WDR20: variants seen among roughly 807,000 people sequenced by gnomAD.
WDR20 encodes WD repeat-containing protein 20.
A neutral mutation model predicts 38.7 loss-of-function variants in WDR20; 3 were observed. The observed-to-expected ratio is 0.08, with a 90% confidence interval of 0.04 to 0.20. The LOEUF (loss-of-function observed/expected upper bound fraction) is 0.20, where lower values mean the gene tolerates loss of function less well. WDR20 is among the 10% of genes least tolerant of loss of function. The probability of loss-of-function intolerance (pLI) is 1.00; values close to 1 mark genes in which losing one functional copy is unlikely to be tolerated. For missense variants in WDR20, 559 were observed against 727.7 expected, an observed-to-expected ratio of 0.77 and a Z score of 2.67; for synonymous variants, 298 against 285.6, an observed-to-expected ratio of 1.04 and a Z score of -0.44.
rs115494632 is a variant in WDR20 at position 102,170,429 on chromosome 14, A to G, written c.250-24509A>G. On this transcript the variant is annotated intron_variant, in intron 1 of 2. Transcript: ENST00000342702. ...AAATCGCCTTCTAAAAATTGTACCAATTTTTACTTGTGGCATAGTGTATTG... is the reference window on the plus strand; with the variant it reads ...AAATCGCCTTCTAAAAATTGTACCAGTTTTTACTTGTGGCATAGTGTATTG... Among the ~76,000 whole-genome samples the G allele has an allele frequency of 4.6e-3, 697 of 152,214 alleles. 6 individuals carry two copies. The highest frequency in any genetic ancestry group is 0.016 in the African/African-American group (645 of 41,546).
intron 1 of WDR20, among the ~76,000 whole-genome samples, chr14:102,151,152 T>C (rs1422985201): frequency 6.6e-6 from 1 of 151,630 alleles, no homozygotes; most frequent in African/African-American, 2.4e-5. Context: ...TTATTTTCTC[T>C]TCAAAACCAT....
upstream of WDR20, chr14:102,139,604 C>T: frequency 3.0e-6 from 2 of 670,824 alleles, no homozygotes; most frequent in Non-Finnish European, 2.5e-6. Flanking sequence ...CTGGCCCTGG[C>T]GGCTGCGGAA....
At chr14:102,217,006 T>C (rs1269437507), downstream of WDR20, among the ~76,000 whole-genome samples, 2 of 152,214 alleles carry the variant, frequency 1.3e-5, no homozygotes, top group East Asian at 3.9e-4. Context: ...CAGGGGTCTC[T>C]GGAGACGAAT....
rs1555400555 is a variant in WDR20 at position 102,200,467 on chromosome 14, T to TGTGTGTG, written c.432+5347_432+5348insGTGTGTG. Among the ~76,000 whole-genome samples the TGTGTGTG allele has an allele frequency of 2.0e-3, 234 of 117,744 alleles. 1 individual carries two copies. Among genetic ancestry groups the TGTGTGTG allele is most frequent in the African/African-American group, 5.7e-3 (183 of 32,126 alleles). 77.2% of individuals were successfully genotyped at this position (117,744 alleles called of 152,430 possible). On this transcript the variant is annotated intron_variant, in intron 2 of 2. Coordinates refer to ENST00000342702, the MANE Select transcript of WDR20 (RefSeq NM_144574.4). ...GAGTTTACTTTTTAAATTTTTTTTT[T>TGTGTGTG]TGTGTGTGTGTGTGTGTGTGTGTGT...
intron 1 of WDR20, among the ~76,000 whole-genome samples, chr14:102,140,508 G>T (rs930171792): frequency 4.6e-5 from 7 of 152,186 alleles, no homozygotes; most frequent in Non-Finnish European, 7.3e-5. Flanking sequence ...CCCGGAAGAG[G>T]TGAGGTGGCC....
At chr14:102,153,061 G>A (rs1355199085) in intron 1 of WDR20, among the ~76,000 whole-genome samples, 1 of 152,110 alleles carries the variant, frequency 6.6e-6, no homozygotes, top group African/African-American at 2.4e-5. Context: ...GAATGGTTTA[G>A]CACCATCTAC....
At chr14:102,159,978 A>T (rs1036359756) in intron 1 of WDR20, among the ~76,000 whole-genome samples, 1 of 152,128 alleles carries the variant, frequency 6.6e-6, no homozygotes, top group Non-Finnish European at 1.5e-5. Flanking sequence ...GGTGGTACAC[A>T]TCTGTAGTCC....
chr14:102,175,725 A>G (rs1392460054), intron 1 of WDR20, among the ~76,000 whole-genome samples: 1 of 152,186 alleles, frequency 6.6e-6, no homozygotes, highest in Non-Finnish European at 1.5e-5. Flanking sequence ...GATTTCTTTT[A>G]GCAGTGTCTT....
At chr14:102,175,199 T>C (rs1035315631) in intron 1 of WDR20, among the ~76,000 whole-genome samples, 2 of 152,230 alleles carry the variant, frequency 1.3e-5, no homozygotes, top group African/African-American at 4.8e-5. Flanking sequence ...GATTTAAGTC[T>C]TTGATTCATC....
intron 1 of WDR20, among the ~76,000 whole-genome samples, chr14:102,142,241 G>C (rs1175814265): frequency 1.3e-5 from 2 of 152,124 alleles, no homozygotes; most frequent in African/African-American, 2.4e-5. Context: ...TTGTGTTGCA[G>C]ATGTTTCTAC....
intron 2 of WDR20, among the ~76,000 whole-genome samples, chr14:102,199,408 G>C (rs1596727177): frequency 1.3e-5 from 2 of 151,974 alleles, no homozygotes; most frequent in African/African-American, 4.8e-5. Flanking sequence ...GTGTTGGACG[G>C]AAAGGGTTCC....
intron 1 of WDR20, among the ~76,000 whole-genome samples, chr14:102,173,771 G>A (rs769216586): frequency 6.6e-6 from 1 of 151,998 alleles, no homozygotes; most frequent in African/African-American, 2.4e-5. Context: ...CTAGCCGGGC[G>A]AGGTGATTCA....
chr14:102,151,595 G>A (rs1324409369), intron 1 of WDR20, among the ~76,000 whole-genome samples: 2 of 151,804 alleles, frequency 1.3e-5, no homozygotes, highest in African/African-American at 2.4e-5. Context: ...GTCTTGCTGT[G>A]TTGTCTGGGT....
chr14:102,161,121 C>CATATGTATATATATATATATAT (rs2058559902), intron 1 of WDR20, among the ~76,000 whole-genome samples: 1 of 11,130 alleles, frequency 9.0e-5, no homozygotes. Context: ...AGCATAACTG[C>CATATGTATATATATATATATAT]ATATATATAT....
rs760050723 is a variant in WDR20, at chr14:102,168,877, A to G, written c.250-26061A>G. Among the ~76,000 whole-genome samples the G allele has an allele frequency of 6.6e-5, 10 of 152,146 alleles. 1 individual carries two copies. The highest frequency in any genetic ancestry group is 1.2e-4 in the Non-Finnish European group (8 of 68,014). ...ACTTGGATTATTACAGAGGTCTCCAACTGGCTGCCCACCTCTATCCTTGCC... is the reference window on the plus strand; with the variant it reads ...ACTTGGATTATTACAGAGGTCTCCAGCTGGCTGCCCACCTCTATCCTTGCC... On this transcript the variant is annotated intron_variant, in intron 1 of 2. Coordinates refer to ENST00000342702, the MANE Select transcript of WDR20 (RefSeq NM_144574.4).
chr14:102,204,201 G>A (rs2061077082), intron 2 of WDR20, among the ~76,000 whole-genome samples: 2 of 152,156 alleles, frequency 1.3e-5, no homozygotes, highest in South Asian at 4.1e-4. Flanking sequence ...CCTGGCACTG[G>A]TTCGGCTGTG....
intron 1 of WDR20, among the ~76,000 whole-genome samples, chr14:102,152,412 G>T (rs1333371804): frequency 8.0e-6 from 1 of 124,828 alleles, no homozygotes; most frequent in African/African-American, 2.6e-5. Context: ...AGATTATGCA[G>T]GGTCTCTCTT....
At chr14:102,219,049 C>T (rs1274450324), downstream of WDR20, among the ~76,000 whole-genome samples, 2 of 152,166 alleles carry the variant, frequency 1.3e-5, no homozygotes, top group South Asian at 2.1e-4. Context: ...TCCCTGTCAC[C>T]GGGAGTTTGA....
chr14:102,167,203 ATTC>A (rs1385139868), intron 1 of WDR20, among the ~76,000 whole-genome samples: 2 of 151,330 alleles, frequency 1.3e-5, no homozygotes, highest in Non-Finnish European at 2.9e-5. Flanking sequence ...TTTGACATAG[ATTC>A]TTCTTCTTAT....
Sources: gnomAD v4.1 joint callset for allele counts (sites outside exome capture counted in the v4.1 genomes callset) on GRCh38, gnomAD v4.1.1 for gene constraint, MANE v1.5 for transcripts, NCBI Gene and HGNC (gene_info 2026-07-23, HGNC 2026-07-21) for gene names.